ASPA: variants seen among roughly 807,000 people sequenced by gnomAD.
The protein encoded by ASPA is aspartoacylase, also known as ACY-2.
ASPA carries 25 observed loss-of-function variants against 29.6 expected under a neutral mutation model. The observed-to-expected ratio is 0.85, with a 90% CI of 0.62 to 1.18. ASPA has a LOEUF of 1.18. ASPA is among the 50% of genes most tolerant of loss of function. ASPA has a pLI of 0.00. For missense variants in ASPA, 333 were observed against 385.7 expected, an observed-to-expected ratio of 0.86 and a Z score of 1.14; for synonymous variants, 131 against 130.3, an observed-to-expected ratio of 1.01 and a Z score of -0.04.
intron 3 of ASPA, among the ~76,000 whole-genome samples, chr17:3,484,491 C>T (rs757825375): frequency 6.6e-6 from 1 of 152,008 alleles, no homozygotes; most frequent in Non-Finnish European, 1.5e-5. Context: ...GAAGTGGGAT[C>T]CATCTTGAGG....
At position 3,486,149 on chromosome 17, in the gene ASPA, G is replaced by C. The variant is rs367698276; in HGVS notation, c.526+2557G>C. 2.0e-4 allele frequency among the ~76,000 whole-genome samples: 31 copies of C among 152,248 alleles called. No homozygotes were observed. The East Asian group carries it at 3.3e-3, about 16-fold the overall frequency. ...GGGTTTCATCATGTTGGCCAGGCTG[G>C]TTTCGAACTTCTGACCTCAGGTGAT... On this transcript the variant is annotated intron_variant, in intron 3 of 5. Transcript: ENST00000263080.
intron 4 of ASPA, 102 bp from the exon 5 acceptor site, chr17:3,494,248 C>T (rs995671779): frequency 1.3e-5 from 11 of 837,842 alleles, no homozygotes; most frequent in Admixed American, 1.1e-4. Context: ...AGGTGATCCA[C>T]CCAACTCGGC....
rs1253424510 is a variant in ASPA at position 3,490,315 on chromosome 17, T to C, written c.634+973T>C. Among the ~76,000 whole-genome samples the C allele has an allele frequency of 6.6e-6, 1 of 152,234 alleles. No individual in the cohort carries two copies. The highest frequency in any genetic ancestry group is 2.4e-5 in the African/African-American group (1 of 41,452). On this transcript the variant is annotated intron_variant, in intron 4 of 5. Coordinates refer to ENST00000263080, the MANE Select transcript of ASPA (RefSeq NM_000049.4). This position sits in a 1 kb window ranked among gnomAD's most constrained non-coding sequence, Gnocchi z 4.6. ...ATATGCAGCTCTATGCACTATCTGC[T>C]CATTTATTTGGTAAATCTAAAACTG...
rs547742645 is a variant in ASPA at position 3,476,830 on chromosome 17, G to A, written c.236+435G>A. 5.9e-5 allele frequency among the ~76,000 whole-genome samples: 9 copies of A among 152,292 alleles called. No individual in the cohort carries two copies. In the South Asian group the frequency reaches 1.9e-3, roughly 32 times the overall value. The stretch of plus-strand genomic sequence containing the variant: ...GCTTACGGTAATGCATAAAGTTCTA[G>A]TTCAAAAAATGTAATGTTTCAAGTA... On this transcript the variant is annotated intron_variant, in intron 1 of 5. Coordinates refer to ENST00000263080, the MANE Select transcript of ASPA (RefSeq NM_000049.4).
chr17:3,489,319 A>C lies in ASPA; in HGVS notation c.611A>C (p.Asp204Ala). Residue 204 changes from aspartate (D) to alanine (A), a missense_variant, in exon 4 of 6, where the codon GAT (aspartate) becomes GCT (alanine). Physicochemically the swap from Asp to Ala is moderately radical, Grantham distance 126 (BLOSUM62 -2). Coordinates refer to ENST00000263080, the MANE Select transcript of ASPA (RefSeq NM_000049.4). The stretch of plus-strand genomic sequence containing the variant: ...AGAAAAATGATTAAACATGCTCTTG[A>C]TTTTATACATCATTTCAATGAAGGT... ...QMRKMIKHAL[D>A]FIHHFNEGKE... 6.2e-7 allele frequency: 1 copy of C among 1,610,308 alleles called. No homozygotes were observed. The highest frequency in any genetic ancestry group is 8.5e-7 in the Non-Finnish European group (1 of 1,176,864).
At chr17:3,492,360 G>T (rs2073839455) in intron 4 of ASPA, among the ~76,000 whole-genome samples, 2 of 152,162 alleles carry the variant, frequency 1.3e-5, no homozygotes, top group African/African-American at 4.8e-5. Context: ...ATACTCCTTT[G>T]TGTTCTATCA....
At chr17:3,481,485 C>T in intron 1 of ASPA, 118 bp from the exon 2 acceptor site, 2 of 932,802 alleles carry the variant, frequency 2.1e-6, no homozygotes, top group South Asian at 3.2e-5. Flanking sequence ...TTACTTACCA[C>T]ACAGATTTTT....
At chr17:3,494,775 G>A (rs919887423) in intron 5 of ASPA, among the ~76,000 whole-genome samples, 21 of 152,192 alleles carry the variant, frequency 1.4e-4, no homozygotes, top group African/African-American at 3.9e-4. Flanking sequence ...GATGGGAGAG[G>A]AGTGGTCAGA....
intron 4 of ASPA, among the ~76,000 whole-genome samples, chr17:3,489,762 T>C (rs1275035348): frequency 6.6e-6 from 1 of 152,188 alleles, no homozygotes; most frequent in Non-Finnish European, 1.5e-5. Context: ...GGTGAACATA[T>C]AAGTGAACAT....
chr17:3,492,421 G>A (rs1033053531), intron 4 of ASPA, among the ~76,000 whole-genome samples: 1 of 152,174 alleles, frequency 6.6e-6, no homozygotes, highest in Admixed American at 6.5e-5. Context: ...ATGAGATCTG[G>A]TAAGTTCCCA....
At chr17:3,495,272 C>T (rs184096815) in intron 5 of ASPA, among the ~76,000 whole-genome samples, 16 of 152,180 alleles carry the variant, frequency 1.1e-4, no homozygotes, top group Non-Finnish European at 5.9e-5. Flanking sequence ...GGGCTTTCAA[C>T]CCCGACTAAC....
At chr17:3,479,175 C>T (rs1298558480) in intron 1 of ASPA, among the ~76,000 whole-genome samples, 1 of 152,182 alleles carries the variant, frequency 6.6e-6, no homozygotes, top group East Asian at 1.9e-4. Flanking sequence ...CCTTCAGAAT[C>T]TCACTCTTCC....
At chr17:3,495,417 A>T (rs12941620) in intron 5 of ASPA, among the ~76,000 whole-genome samples, 35,119 of 152,088 alleles carry the variant, frequency 0.23, 4,252 homozygotes, top group Middle Eastern at 0.33. Context: ...CTGTTTAGTG[A>T]CTCTAATAGT....
intron 3 of ASPA, among the ~76,000 whole-genome samples, chr17:3,487,307 AG>A (rs1266346985): frequency 6.6e-6 from 1 of 152,160 alleles, no homozygotes; most frequent in East Asian, 1.9e-4. Context: ...CTTTTTTCCC[AG>A]TGAGTGCATG....
chr17:3,498,051 C>T (rs2073937063), intron 5 of ASPA, among the ~76,000 whole-genome samples: 1 of 152,150 alleles, frequency 6.6e-6, no homozygotes, highest in Non-Finnish European at 1.5e-5. Context: ...TTGGAATACA[C>T]CCACCTTGTC....
Position 3,476,365 on chromosome 17 carries a change from T to G in ASPA, c.206T>G (p.Leu69Arg), listed in dbSNP as rs776777887. 1 of 1,614,152 alleles carries G rather than the reference T, an allele frequency of 6.2e-7. No individual in the cohort carries two copies. The highest frequency in any genetic ancestry group is 8.5e-7 in the Non-Finnish European group (1 of 1,180,042). Reference protein sequence around the residue: ...KKCTRYIDCDLNRIFDLENLG... With the variant: ...KKCTRYIDCDRNRIFDLENLG... Reference sequence around the variant, plus strand: ...TGTACCAGATATATTGACTGTGACCTGAATCGCATTTTTGACCTTGAAAAT... The same window carrying G: ...TGTACCAGATATATTGACTGTGACCGGAATCGCATTTTTGACCTTGAAAAT... Residue 69 changes from leucine to arginine, a missense_variant, in exon 1 of 6, where the codon CTG (leucine) becomes CGG (arginine). Leu to Arg is a moderately radical substitution (Grantham distance 102, BLOSUM62 -2). Coordinates refer to ENST00000263080, the MANE Select transcript of ASPA (RefSeq NM_000049.4).
In ASPA at chr17:3,500,126, G is replaced by A. The variant is rs1480871782; in HGVS notation, c.*1038G>A. 6.6e-6 allele frequency: 1 copy of A among 152,264 alleles called. No individual in the cohort carries two copies. 9.4% of individuals were successfully genotyped at this position (152,264 alleles called of 1,614,324 possible). ...CCTAACTCTCTTCAATTCTGTGAAG[G>A]CTGAGAGAGGTGAGGAAGCTGCAGG... On this transcript the variant is annotated 3_prime_UTR_variant, in exon 6 of 6. Coordinates refer to ENST00000263080, the MANE Select transcript of ASPA (RefSeq NM_000049.4).
chr17:3,485,508 C>T lies in ASPA; in HGVS notation c.526+1916C>T, dbSNP rs367997268. Among the ~76,000 whole-genome samples, 20 of 152,222 alleles carry T rather than the reference C, an allele frequency of 1.3e-4. No individual in the cohort carries two copies. The highest frequency in any genetic ancestry group is 6.2e-4 in the South Asian group (3 of 4,820). On this transcript the variant is annotated intron_variant, in intron 3 of 5. Transcript: ENST00000263080. This position sits in a 1 kb window ranked among gnomAD's most constrained non-coding sequence, Gnocchi z 4.4. ...AGCCGGGGCAACAAAAGTGAAACTC[C>T]GTCTCAAAAAAACAAACAAACAAAA...
At chr17:3,478,557 T>G (rs933642716) in intron 1 of ASPA, among the ~76,000 whole-genome samples, 2 of 152,222 alleles carry the variant, frequency 1.3e-5, no homozygotes, top group Non-Finnish European at 1.5e-5. Flanking sequence ...AGGATAACTT[T>G]TAGTCGGCAT....
Sources: allele counts gnomAD v4.1 joint callset (sites outside exome capture counted in the v4.1 genomes callset), GRCh38; gene constraint gnomAD v4.1.1; non-coding constraint Gnocchi (gnomAD v3.1); transcripts MANE v1.5; gene names NCBI Gene and HGNC (gene_info 2026-07-23, HGNC 2026-07-21).